Variants in TDRP observed in about 807,000 individuals in gnomAD.
The protein encoded by TDRP is testis development related protein.
In TDRP, 12 loss-of-function variants were observed where a neutral mutation model predicts 10.5. The ratio of observed to expected loss-of-function variants is 1.15; its 90% CI spans 0.73 to 1.86. The LOEUF is 1.86. TDRP is among the 40% of genes most tolerant of loss of function. The pLI is 0.00. For synonymous variants in TDRP, 139 were observed against 95.4 expected, an observed-to-expected ratio of 1.46 and a Z score of -2.67; for missense variants, 353 against 229.2, an observed-to-expected ratio of 1.54 and a Z score of -3.49.
chr8:539,686 T>C (rs1437004929), intron 1 of TDRP, among the ~76,000 whole-genome samples: 1 of 152,222 alleles, frequency 6.6e-6, no homozygotes, highest in African/African-American at 2.4e-5. Context: ...GAAAGGCCTC[T>C]GCCTCCCCAC....
At chr8:542,627 G>T (rs1802528482) in intron 1 of TDRP, among the ~76,000 whole-genome samples, 1 of 152,128 alleles carries the variant, frequency 6.6e-6, no homozygotes. Flanking sequence ...CACTTCAGAA[G>T]GCCGAGGAGG....
At chr8:510,337 T>C (rs149102213) in intron 1 of TDRP, among the ~76,000 whole-genome samples, 1 of 152,032 alleles carries the variant, frequency 6.6e-6, no homozygotes, top group Non-Finnish European at 1.5e-5. Flanking sequence ...CCACTTCAAG[T>C]CACTTCATTA....
chr8:523,972 T>C (rs1232253292), intron 1 of TDRP, among the ~76,000 whole-genome samples: 1 of 152,100 alleles, frequency 6.6e-6, no homozygotes, highest in Non-Finnish European at 1.5e-5. Flanking sequence ...AGCCAGGCAG[T>C]GGTTATAGCA....
chr8:507,709 T>C (rs923852345), intron 1 of TDRP, among the ~76,000 whole-genome samples: 5 of 151,806 alleles, frequency 3.3e-5, no homozygotes, highest in Non-Finnish European at 7.4e-5. Flanking sequence ...ACTAAGCAAA[T>C]AAAGAGGCAA....
upstream of TDRP, chr8:544,862 C>T (rs982376720): frequency 9.3e-6 from 8 of 863,900 alleles, no homozygotes; most frequent in Non-Finnish European, 1.2e-5. Context: ...GACGCGGGCC[C>T]AGTGGGCCGG....
Position 543,925 on chromosome 8 carries a change from GGA to G in TDRP, c.108+723_108+724del, listed in dbSNP as rs1473982393. Among the ~76,000 whole-genome samples the G allele has an allele frequency of 1.5e-4, 21 of 141,628 alleles. No homozygotes were observed. In the South Asian group the frequency reaches 5.3e-3, roughly 35 times the overall value. The allele number at this position is 141,628 out of a possible 152,430, so 92.9% of individuals were successfully genotyped here. On this transcript the variant is annotated intron_variant, in intron 1 of 2. Transcript: ENST00000324079. ...AAAAAGAGCACTGCAATGGAAAAAG[GGA>G]GGGGGGGGGAGGGGGTGGGGGAGGG...
intron 1 of TDRP, among the ~76,000 whole-genome samples, chr8:537,203 T>G: frequency 6.6e-6 from 1 of 152,226 alleles, no homozygotes; most frequent in Non-Finnish European, 1.5e-5. Flanking sequence ...GCTGGCTCCC[T>G]GCCTGGTCTT....
intron 1 of TDRP, among the ~76,000 whole-genome samples, chr8:523,498 G>C (rs1801958684): frequency 6.6e-6 from 1 of 152,122 alleles, no homozygotes; most frequent in South Asian, 2.1e-4. Flanking sequence ...CAAGCTCCTG[G>C]GGTCCCTGAT....
upstream of TDRP, chr8:544,836 C>A: frequency 9.5e-7 from 1 of 1,049,688 alleles, no homozygotes; most frequent in Non-Finnish European, 1.2e-6. Context: ...GGACGCTCTG[C>A]CTGCGGCTCC....
At chr8:501,232 T>C (rs998549130) in intron 1 of TDRP, among the ~76,000 whole-genome samples, 2 of 151,894 alleles carry the variant, frequency 1.3e-5, no homozygotes, top group Non-Finnish European at 2.9e-5. Flanking sequence ...AAAAAAAACA[T>C]GAGCGTAATG....
chr8:497,422 G>T (rs1304526379), intron 1 of TDRP, among the ~76,000 whole-genome samples: 1 of 152,178 alleles, frequency 6.6e-6, no homozygotes, highest in African/African-American at 2.4e-5. Flanking sequence ...AGATGATTTA[G>T]GATATCTGGC....
chr8:497,448 G>C (rs1304187579), intron 1 of TDRP, among the ~76,000 whole-genome samples: 1 of 152,190 alleles, frequency 6.6e-6, no homozygotes, highest in East Asian at 1.9e-4. Flanking sequence ...AAATTTCTAA[G>C]CAGCAAAGGG....
chr8:495,657 C>G (rs548488178), intron 1 of TDRP, among the ~76,000 whole-genome samples: 8 of 152,138 alleles, frequency 5.3e-5, no homozygotes, highest in Non-Finnish European at 1.5e-5. Flanking sequence ...CGGGGTAGAG[C>G]CAGCTTTAGA....
At chr8:536,785 C>G (rs1802358053) in intron 1 of TDRP, among the ~76,000 whole-genome samples, 1 of 152,164 alleles carries the variant, frequency 6.6e-6, no homozygotes, top group Non-Finnish European at 1.5e-5. Flanking sequence ...CAGGCAGGAG[C>G]TCCCCAAGCA....
intron 1 of TDRP, among the ~76,000 whole-genome samples, chr8:535,505 C>G (rs1020090697): frequency 2.0e-5 from 3 of 152,162 alleles, no homozygotes; most frequent in Admixed American, 6.5e-5. Context: ...GGTCCGTGGA[C>G]TGCATCTTGA....
chr8:543,590 T>C (rs2116890331), intron 1 of TDRP, among the ~76,000 whole-genome samples: 1 of 151,028 alleles, frequency 6.6e-6, no homozygotes, highest in East Asian at 1.9e-4. Flanking sequence ...TAACGCTACC[T>C]AAAAGAAATT....
chr8:534,011 G>A (rs528341703), intron 1 of TDRP, among the ~76,000 whole-genome samples: 2 of 152,134 alleles, frequency 1.3e-5, no homozygotes, highest in Non-Finnish European at 2.9e-5. Flanking sequence ...GCTTTCAAAA[G>A]GCACTGATTG....
At chr8:504,425 C>T (rs1197512345) in intron 1 of TDRP, among the ~76,000 whole-genome samples, 1 of 152,062 alleles carries the variant, frequency 6.6e-6, no homozygotes, top group Non-Finnish European at 1.5e-5. Flanking sequence ...TGGGGGGAGG[C>T]AGGGGAAGGG....
In TDRP at chr8:544,802, G is replaced by C. The variant is rs574664098; in HGVS notation, c.-45C>G. The C allele has an allele frequency of 8.3e-7, 1 of 1,209,482 alleles. No homozygotes were observed. Among genetic ancestry groups the C allele is most frequent in the Non-Finnish European group, 1.0e-6 (1 of 967,872 alleles). 74.9% of individuals were successfully genotyped at this position (1,209,482 alleles called of 1,614,324 possible). ...TCCCTCCGTCCGTGCGTCGGGCTGT[G>C]GCTCCGCGTCCCTCCCGGCCGCCGG... On this transcript the variant is annotated 5_prime_UTR_variant, in exon 1 of 3. Coordinates refer to ENST00000324079, the MANE Select transcript of TDRP (RefSeq NM_001384899.1).
Sources: gnomAD v4.1 joint callset for allele counts (sites outside exome capture counted in the v4.1 genomes callset) on GRCh38, gnomAD v4.1.1 for gene constraint, MANE v1.5 for transcripts, NCBI Gene and HGNC (gene_info 2026-07-23, HGNC 2026-07-21) for gene names.